SPAST: variants seen among roughly 807,000 people sequenced by gnomAD.
The protein encoded by SPAST is spastin, also known as spastic paraplegia 4 (autosomal dominant; spastin).
SPAST carries 30 observed loss-of-function variants against 76.6 expected under a neutral mutation model. That is an observed-to-expected ratio of 0.39 (90% CI 0.29 to 0.53). The LOEUF (loss-of-function observed/expected upper bound fraction) is 0.53. SPAST is among the 20% of genes least tolerant of loss of function. SPAST has a pLI of 0.68. For missense variants in SPAST, 717 were observed against 770.5 expected (o/e 0.93, Z 0.82); for synonymous variants, 305 against 281.0 (o/e 1.09, Z -0.86).
intron 1 of SPAST, among the ~76,000 whole-genome samples, chr2:32,083,006 C>G (rs990177390): frequency 2.0e-5 from 3 of 151,562 alleles, no homozygotes; most frequent in Non-Finnish European, 2.9e-5. Flanking sequence ...GAGTCTTGCT[C>G]TGTTGCCCAG....
rs773998404 is a variant in SPAST at position 32,075,547 on chromosome 2, CTTT to C, written c.415+11319_415+11321del. On this transcript the variant is annotated intron_variant, in intron 1 of 16. Transcript: ENST00000315285. ...CCTCATTTAGTGTCATGGCTTTTTTCTTTTTTTTTTTTTTTTTTTTGAGACAAA... is the reference window on the plus strand; with the variant it reads ...CCTCATTTAGTGTCATGGCTTTTTTCTTTTTTTTTTTTTTTTTGAGACAAA... 6.7e-3 allele frequency among the ~76,000 whole-genome samples: 573 copies of C among 85,484 alleles called. 4 individuals are homozygous for C. The highest frequency in any genetic ancestry group is 0.026 in the African/African-American group (557 of 21,378). The allele number at this position is 85,484 out of a possible 152,430, so 56.1% of individuals were successfully genotyped here.
chr2:32,123,363 G>C (rs2148741302), intron 7 of SPAST, among the ~76,000 whole-genome samples: 2 of 152,100 alleles, frequency 1.3e-5, no homozygotes, highest in Middle Eastern at 3.4e-3. Flanking sequence ...AAGAATTATA[G>C]CACTCATGAA....
At chr2:32,150,067 C>T (rs1481638847) in intron 16 of SPAST, among the ~76,000 whole-genome samples, 8 of 135,614 alleles carry the variant, frequency 5.9e-5, no homozygotes, top group Admixed American at 7.5e-5. Context: ...AGTTTTCTTT[C>T]TTTCTTTTTT....
At chr2:32,066,797 A>C (rs1676529582) in intron 1 of SPAST, among the ~76,000 whole-genome samples, 2 of 151,958 alleles carry the variant, frequency 1.3e-5, no homozygotes, top group Non-Finnish European at 2.9e-5. Flanking sequence ...AACATAGTGA[A>C]ACCCTGTCTT....
chr2:32,089,048 A>T (rs914430881), intron 2 of SPAST, among the ~76,000 whole-genome samples: 3 of 151,206 alleles, frequency 2.0e-5, no homozygotes, highest in African/African-American at 2.4e-5. Flanking sequence ...AACTGTAACT[A>T]TTTTTTTTTA....
chr2:32,144,453 C>G (rs533209919), intron 14 of SPAST, among the ~76,000 whole-genome samples: 7 of 152,278 alleles, frequency 4.6e-5, no homozygotes, highest in African/African-American at 1.7e-4. Context: ...AAATTTGAGG[C>G]ATTACTACAT....
intron 8 of SPAST, chr2:32,127,776 A>G (rs1437512653): frequency 1.3e-5 from 2 of 151,432 alleles, no homozygotes; most frequent in Non-Finnish European, 2.9e-5. Context: ...TTTTCCTTAG[A>G]TGTTTGTCTT....
chr2:32,094,116 GTTACTA>G (rs1187906868), intron 3 of SPAST, among the ~76,000 whole-genome samples: 1 of 152,074 alleles, frequency 6.6e-6, no homozygotes, highest in Admixed American at 6.6e-5. Context: ...AAACAAATAT[GTTACTA>G]TTAATACACG....
intron 1 of SPAST, among the ~76,000 whole-genome samples, chr2:32,074,688 G>A (rs1676881964): frequency 1.3e-5 from 2 of 151,902 alleles, no homozygotes; most frequent in Admixed American, 6.6e-5. Flanking sequence ...TGTATTTTTA[G>A]TAGAGACGGG....
At chr2:32,082,742 A>C (rs781629583) in intron 1 of SPAST, among the ~76,000 whole-genome samples, 3 of 151,912 alleles carry the variant, frequency 2.0e-5, no homozygotes, top group East Asian at 1.9e-4. Flanking sequence ...TCTTCACTGC[A>C]TGTCATATAT....
chr2:32,091,293 T>C (rs1284431502), intron 3 of SPAST, among the ~76,000 whole-genome samples: 1 of 108,764 alleles, frequency 9.2e-6, no homozygotes, highest in Non-Finnish European at 1.9e-5. Flanking sequence ...ATTATTATTA[T>C]TATTCGAGAT....
rs186391582 is a variant in SPAST, at chr2:32,103,431, T to G, written c.682+4540T>G. Among the ~76,000 whole-genome samples the G allele has an allele frequency of 4.2e-3, 644 of 152,314 alleles. 3 individuals are homozygous for G. The highest frequency in any genetic ancestry group is 0.015 in the African/African-American group (613 of 41,574). On this transcript the variant is annotated intron_variant, in intron 4 of 16. Transcript: ENST00000315285. The stretch of plus-strand genomic sequence containing the variant: ...TCAAAAAACCAGCTCCTGGATTCAT[T>G]GATTTTTTGAAAGGTTTTTTGTGTC...
intron 1 of SPAST, among the ~76,000 whole-genome samples, chr2:32,085,245 T>C (rs972669981): frequency 3.3e-5 from 5 of 150,970 alleles, no homozygotes; most frequent in African/African-American, 1.2e-4. Context: ...CTTGCTCTTT[T>C]GCTCAGGTTA....
chr2:32,067,350 C>T (rs1162204401), intron 1 of SPAST, among the ~76,000 whole-genome samples: 2 of 152,098 alleles, frequency 1.3e-5, no homozygotes, highest in African/African-American at 2.4e-5. Context: ...GTGTGAGCCG[C>T]GGTGACCGAC....
chr2:32,087,694 C>CTT (rs770566493), intron 2 of SPAST, 116 bp downstream of exon 2: 32,457 of 184,068 alleles, frequency 0.18, 3,066 homozygotes, highest in East Asian at 0.33. Context: ...CTTTTCTTTT[C>CTT]TTTTTTTTTT....
rs2294178 is a variant in SPAST at position 32,128,255 on chromosome 2, A to G, written c.1174-153A>G. The G allele has an allele frequency of 1.3e-5, 8 of 620,414 alleles. No individual in the cohort carries two copies. In the Admixed American group the frequency reaches 1.8e-4, roughly 14 times the overall value. The allele number at this position is 620,414 out of a possible 1,614,324, so 38.4% of individuals were successfully genotyped here. A position where few individuals can be genotyped will look rare whatever the true frequency, so the allele number is the denominator to read the frequency against. ...AGTGATGCGCCTGCCTCGGCCTCCG[A>G]AAGTGCTGGGATTACAGGCATGAGC... is the stretch of plus-strand genomic sequence containing the variant. On this transcript the variant is annotated intron_variant, in intron 8 of 16. Transcript: ENST00000315285.
At chr2:32,110,531 GTATATATAGTATATA>G (rs2148727852) in intron 4 of SPAST, among the ~76,000 whole-genome samples, 1 of 62,686 alleles carries the variant, frequency 1.6e-5, no homozygotes, top group Non-Finnish European at 3.2e-5. Flanking sequence ...TATATAGTGT[GTATATATAGTATATA>G]TATACTATAT....
In SPAST at chr2:32,154,444, C is replaced by T; in HGVS notation, c.1799C>T (p.Thr600Ile). The change falls in exon 17 of 17, where the codon ACT (threonine) becomes ATT (isoleucine). Residue 600 changes from threonine (T) to isoleucine (I), a missense_variant. Thr to Ile is a moderately conservative substitution (Grantham distance 89, BLOSUM62 -1). Coordinates refer to ENST00000315285, the MANE Select transcript of SPAST (RefSeq NM_014946.4). ...ATAAAACGCAGCGTCAGCCCTCAAA[C>T]TTTAGAAGCGTACATACGTTGGAAC... The part of the protein sequence containing the change: ...KKIKRSVSPQ[T>I]LEAYIRWNKD... 6.2e-7 allele frequency: 1 copy of T among 1,613,292 alleles called. No individual in the cohort carries two copies. The highest frequency in any genetic ancestry group is 8.5e-7 in the Non-Finnish European group (1 of 1,179,328).
chr2:32,084,497 A>T (rs184465552), intron 1 of SPAST, among the ~76,000 whole-genome samples: 113 of 152,164 alleles, frequency 7.4e-4, no homozygotes, highest in East Asian at 5.8e-4. Context: ...TCTTAAAGAA[A>T]CTGCAGGTAT....
Sources: gnomAD v4.1 joint callset for allele counts (sites outside exome capture counted in the v4.1 genomes callset) on GRCh38, gnomAD v4.1.1 for gene constraint, MANE v1.5 for transcripts, NCBI Gene and HGNC (gene_info 2026-07-23, HGNC 2026-07-21) for gene names.